The following UNC5C variants were observed in gnomAD, a reference collection of about 807,000 sequenced individuals.
UNC5C encodes unc-5 netrin receptor C, also known as netrin receptor UNC5C.
A neutral mutation model predicts 99.8 loss-of-function variants in UNC5C; 47 were observed. The ratio of observed to expected loss-of-function variants is 0.47; its 90% CI spans 0.37 to 0.60. The LOEUF (loss-of-function observed/expected upper bound fraction) is 0.60. Among genes scored for constraint, UNC5C ranks in the 20% least tolerant of loss-of-function variants. UNC5C has a pLI of 0.00. For missense variants in UNC5C, 1,062 were observed against 1,165.9 expected (o/e 0.91, Z 1.30); for synonymous variants, 487 against 452.2 (o/e 1.08, Z -0.98).
At chr4:95,320,948 C>G (rs10003526) in intron 2 of UNC5C, among the ~76,000 whole-genome samples, 59,818 of 152,054 alleles carry the variant, frequency 0.39, 13,592 homozygotes, top group East Asian at 0.83. Flanking sequence ...GTTTCTTACA[C>G]TAAAAACTCT....
intron 2 of UNC5C, among the ~76,000 whole-genome samples, chr4:95,303,246 A>C (rs910321323): frequency 1.3e-5 from 2 of 152,200 alleles, no homozygotes; most frequent in South Asian, 4.1e-4. Flanking sequence ...GCAAATGCAC[A>C]TTCTCAGGCT....
At chr4:95,353,165 T>C (rs574635500) in intron 1 of UNC5C, among the ~76,000 whole-genome samples, 27 of 152,176 alleles carry the variant, frequency 1.8e-4, no homozygotes, top group Non-Finnish European at 3.7e-4. Context: ...AAACCATTAC[T>C]TGCTCTTCAA....
At chr4:95,294,585 T>C (rs1741605901) in intron 3 of UNC5C, among the ~76,000 whole-genome samples, 1 of 152,210 alleles carries the variant, frequency 6.6e-6, no homozygotes, top group South Asian at 2.1e-4. Context: ...ATATGGCATG[T>C]TCTTCCATCC....
intron 7 of UNC5C, among the ~76,000 whole-genome samples, chr4:95,233,009 A>C (rs1036869986): frequency 1.3e-5 from 2 of 152,210 alleles, no homozygotes; most frequent in Admixed American, 1.3e-4. Flanking sequence ...AATGCCTACC[A>C]CAGGCGGTTA....
chr4:95,359,486 T>TAA (rs200873467), intron 1 of UNC5C, among the ~76,000 whole-genome samples: 2 of 144,346 alleles, frequency 1.4e-5, no homozygotes, highest in Non-Finnish European at 1.5e-5. Flanking sequence ...ATACTGTTTC[T>TAA]AAAAAAAAAA....
In UNC5C at chr4:95,548,843, C is replaced by T. The variant is rs1723151518; in HGVS notation, c.15G>A (p.Leu5=). 1 of 1,613,024 alleles carries T rather than the reference C, an allele frequency of 6.2e-7. No individual in the cohort carries two copies. Among genetic ancestry groups the T allele is most frequent in the East Asian group, 2.2e-5 (1 of 44,836 alleles). Residue 5 remains leucine, a synonymous_variant, in exon 1 of 16, where the codon CTG becomes CTA. Coordinates refer to ENST00000453304, the MANE Select transcript of UNC5C (RefSeq NM_003728.4). The part of the protein sequence containing the change: MRKG[L]RATAARCGLG... ...GTCCGCAGCGGGCCGCTGTCGCCCGCAGACCTTTCCTCATCGTAGACAGAG... is the reference window on the plus strand; with the variant it reads ...GTCCGCAGCGGGCCGCTGTCGCCCGTAGACCTTTCCTCATCGTAGACAGAG...
intron 1 of UNC5C, among the ~76,000 whole-genome samples, chr4:95,473,833 G>T (rs567742992): frequency 2.0e-5 from 3 of 152,206 alleles, no homozygotes; most frequent in Admixed American, 1.3e-4. Context: ...AATTATGAGA[G>T]ACCAGCACAG....
chr4:95,192,284 T>TCTTCTCACCTCCTCCC (rs1250272905), intron 12 of UNC5C, among the ~76,000 whole-genome samples: 2 of 102,194 alleles, frequency 2.0e-5, no homozygotes, highest in Non-Finnish European at 3.9e-5. Flanking sequence ...TCTGCCCACC[T>TCTTCTCACCTCCTCCC]CTTCTCACCT....
chr4:95,369,935 G>T (rs763831943), intron 1 of UNC5C, among the ~76,000 whole-genome samples: 7 of 150,192 alleles, frequency 4.7e-5, no homozygotes, highest in African/African-American at 2.5e-5. Flanking sequence ...CTATCATATT[G>T]TGTTCCCAGA....
intron 1 of UNC5C, among the ~76,000 whole-genome samples, chr4:95,493,361 G>A (rs1248550387): frequency 6.6e-6 from 1 of 151,412 alleles, no homozygotes; most frequent in Non-Finnish European, 1.5e-5. Context: ...TTACAATGCG[G>A]AATTCATGGT....
At chr4:95,376,875 G>T (rs17371089) in intron 1 of UNC5C, among the ~76,000 whole-genome samples, 14,763 of 152,182 alleles carry the variant, frequency 0.097, 819 homozygotes, top group Admixed American at 0.15. Flanking sequence ...CTTACAAATT[G>T]AGTGGAAACT....
chr4:95,476,152 C>G (rs1050228884), intron 1 of UNC5C, among the ~76,000 whole-genome samples: 1 of 152,070 alleles, frequency 6.6e-6, no homozygotes, highest in African/African-American at 2.4e-5. Context: ...TTGGCCTTTC[C>G]TTTTAAACAC....
intron 1 of UNC5C, among the ~76,000 whole-genome samples, chr4:95,414,522 A>T (rs935755420): frequency 6.6e-6 from 1 of 152,336 alleles, no homozygotes; most frequent in Admixed American, 6.5e-5. Context: ...GCAGAGTATA[A>T]AGAAAATACC....
intron 4 of UNC5C, among the ~76,000 whole-genome samples, chr4:95,251,287 T>A (rs1465404798): frequency 6.6e-6 from 1 of 151,922 alleles, no homozygotes. Context: ...TAAGCCAAAT[T>A]TTTTTTTAAG....
At chr4:95,509,097 A>T (rs1370658469) in intron 1 of UNC5C, among the ~76,000 whole-genome samples, 2 of 151,886 alleles carry the variant, frequency 1.3e-5, no homozygotes, top group African/African-American at 4.8e-5. Flanking sequence ...ATTTTGACAT[A>T]TATAAGTGGA....
intron 2 of UNC5C, among the ~76,000 whole-genome samples, chr4:95,313,445 G>A (rs1742345916): frequency 6.6e-6 from 1 of 152,040 alleles, no homozygotes; most frequent in African/African-American, 2.4e-5. Flanking sequence ...ATTACAAAAT[G>A]GTTTTCAGAT....
intron 3 of UNC5C, among the ~76,000 whole-genome samples, chr4:95,294,146 G>A (rs759448480): frequency 3.9e-5 from 6 of 152,310 alleles, no homozygotes; most frequent in Middle Eastern, 3.4e-3. Context: ...ATACATGACC[G>A]AAATAATTTT....
intron 1 of UNC5C, among the ~76,000 whole-genome samples, chr4:95,537,909 TA>T (rs199764392): frequency 1.1e-4 from 16 of 152,020 alleles, no homozygotes; most frequent in African/African-American, 3.9e-4. Context: ...CAGCTAAAAG[TA>T]AAAAAAATCA....
rs1386137451 is a variant in UNC5C at position 95,335,618 on chromosome 4, A to G, written c.138T>C (p.Phe46=). The G allele has an allele frequency of 2.1e-5, 34 of 1,606,576 alleles. 1 individual carries two copies. The East Asian group carries it at 7.4e-4, about 35-fold the overall frequency. The stretch of plus-strand genomic sequence containing the variant: ...AAGGAAAAGTTTCTGGGAGTTCATG[A>G]AAAAAGTCATCATCTGAGAAAGAAG... ...TGSAAQDDDF[F]HELPETFPSD... is the part of the protein sequence containing the mutation. The change falls in exon 2 of 16, where the codon TTT becomes TTC. Residue 46 remains phenylalanine, a synonymous_variant. Transcript: ENST00000453304.
Sources: gnomAD v4.1 joint callset for allele counts (sites outside exome capture counted in the v4.1 genomes callset) on GRCh38, gnomAD v4.1.1 for gene constraint, MANE v1.5 for transcripts, NCBI Gene and HGNC (gene_info 2026-07-23, HGNC 2026-07-21) for gene names.